KLHL1: variants seen among roughly 807,000 people sequenced by gnomAD.
The protein encoded by KLHL1 is kelch like family member 1, also known as kelch-like protein 1.
In KLHL1, 47 loss-of-function variants were observed where a neutral mutation model predicts 77.7. The observed-to-expected ratio is 0.60, with a 90% confidence interval of 0.48 to 0.77. The LOEUF is 0.77. KLHL1 is among the 30% of genes least tolerant of loss of function. The pLI is 0.00. For synonymous variants in KLHL1, 360 were observed against 325.2 expected, an observed-to-expected ratio of 1.11 and a Z score of -1.15; for missense variants, 925 against 910.8, an observed-to-expected ratio of 1.02 and a Z score of -0.20.
At chr13:69,948,772 G>A (rs1421662804) in intron 3 of KLHL1, among the ~76,000 whole-genome samples, 1 of 152,016 alleles carries the variant, frequency 6.6e-6, no homozygotes, top group Non-Finnish European at 1.5e-5. Flanking sequence ...AATGCACAGA[G>A]TATCCATCTT....
intron 8 of KLHL1, among the ~76,000 whole-genome samples, chr13:69,728,166 T>G (rs1057100980): frequency 2.0e-5 from 3 of 152,002 alleles, no homozygotes; most frequent in Admixed American, 6.6e-5. Flanking sequence ...GAGTCTAAGA[T>G]TAATTAAAAT....
chr13:69,800,097 T>A (rs763573088), intron 6 of KLHL1, among the ~76,000 whole-genome samples: 72 of 152,292 alleles, frequency 4.7e-4, no homozygotes, highest in Non-Finnish European at 9.4e-4. Flanking sequence ...GCCCAAAAAG[T>A]TGGGGACTGC....
intron 8 of KLHL1, among the ~76,000 whole-genome samples, chr13:69,734,904 T>C (rs766846748): frequency 6.6e-6 from 1 of 152,074 alleles, no homozygotes; most frequent in Non-Finnish European, 1.5e-5. Context: ...AGCAGATAAA[T>C]TGTAGAAAGC....
Position 69,719,497 on chromosome 13 carries a change from C to T in KLHL1, c.1887G>A (p.Met629Ile), listed in dbSNP as rs1473150713. 7 of 1,613,294 alleles carry T rather than the reference C, an allele frequency of 4.3e-6. No individual in the cohort carries two copies. Among genetic ancestry groups the T allele is most frequent in the African/African-American group, 1.3e-5 (1 of 74,842 alleles). Residue 629 changes from methionine (M) to isoleucine (I), a missense_variant, in exon 9 of 11, where the codon ATG becomes ATA. Met to Ile is a conservative substitution (Grantham distance 10, BLOSUM62 1). Transcript: ENST00000377844. Reference sequence around the variant, plus strand: ...CTCTCCTCTTACACATGGGAGCACACATGTTCCACTTATTTGTATGAGGAT... The same window carrying T: ...CTCTCCTCTTACACATGGGAGCACATATGTTCCACTTATTTGTATGAGGAT... ...YYDPHTNKWN[M>I]CAPMCKRRGG... is the part of the protein sequence containing the mutation.
intron 1 of KLHL1, among the ~76,000 whole-genome samples, chr13:70,106,863 A>G (rs1163205123): frequency 6.6e-6 from 1 of 152,176 alleles, no homozygotes; most frequent in East Asian, 1.9e-4. Context: ...CAGATAATGG[A>G]ACGACTGATA....
chr13:69,994,412 A>G (rs1430691513), intron 1 of KLHL1, among the ~76,000 whole-genome samples: 2 of 152,110 alleles, frequency 1.3e-5, no homozygotes, highest in Non-Finnish European at 2.9e-5. Flanking sequence ...AATCTCTTCA[A>G]AACCCTCACC....
At chr13:69,798,096 TAAG>T (rs974821799) in intron 6 of KLHL1, among the ~76,000 whole-genome samples, 3 of 144,184 alleles carry the variant, frequency 2.1e-5, no homozygotes, top group Admixed American at 6.8e-5. Context: ...CAAATGTTTA[TAAG>T]ATAATATAAG....
chr13:69,815,528 A>C (rs1298883141), intron 6 of KLHL1, among the ~76,000 whole-genome samples: 4 of 152,200 alleles, frequency 2.6e-5, no homozygotes, highest in Admixed American at 6.5e-5. Flanking sequence ...AGAAAAATGG[A>C]AACAAGTAAC....
intron 6 of KLHL1, among the ~76,000 whole-genome samples, chr13:69,803,905 G>A (rs895696673): frequency 6.6e-6 from 1 of 152,152 alleles, no homozygotes; most frequent in Non-Finnish European, 1.5e-5. Context: ...TTCCAGATAA[G>A]AATATAGCCT....
intron 1 of KLHL1, among the ~76,000 whole-genome samples, chr13:70,074,017 G>T (rs1887202170): frequency 6.6e-6 from 1 of 151,842 alleles, no homozygotes; most frequent in African/African-American, 2.4e-5. Flanking sequence ...CTAGAGATGG[G>T]GTTTCTCCAT....
chr13:70,042,060 AAGCAGGCTTATCCT>A (rs1886390647), intron 1 of KLHL1, among the ~76,000 whole-genome samples: 1 of 152,146 alleles, frequency 6.6e-6, no homozygotes, highest in Admixed American at 6.5e-5. Flanking sequence ...GGTCTAGAAA[AAGCAGGCTTATCCT>A]AGGGCTTCTT....
At chr13:69,722,426 A>G (rs1873107505) in intron 8 of KLHL1, among the ~76,000 whole-genome samples, 2 of 151,978 alleles carry the variant, frequency 1.3e-5, no homozygotes, top group South Asian at 4.1e-4. Flanking sequence ...TGAAATCTGA[A>G]CAGACCTATA....
chr13:69,954,619 A>G (rs1883811224), intron 3 of KLHL1, among the ~76,000 whole-genome samples: 1 of 151,354 alleles, frequency 6.6e-6, no homozygotes, highest in Non-Finnish European at 1.5e-5. Flanking sequence ...CTAAATATTA[A>G]AAGTCACCTA....
chr13:69,767,541 A>C (rs1221463568), intron 7 of KLHL1, among the ~76,000 whole-genome samples: 2 of 152,246 alleles, frequency 1.3e-5, no homozygotes, highest in African/African-American at 2.4e-5. Flanking sequence ...TACAAAAATA[A>C]AACTTTTAAA....
chr13:69,765,089 T>C (rs78475060), intron 7 of KLHL1, among the ~76,000 whole-genome samples: 5,491 of 151,564 alleles, frequency 0.036, 126 homozygotes, highest in Middle Eastern at 0.068. Context: ...GTACCTGGGA[T>C]TGTAGGCATG....
chr13:69,710,508 A>G (rs1306617982), intron 9 of KLHL1, among the ~76,000 whole-genome samples: 1 of 152,044 alleles, frequency 6.6e-6, no homozygotes, highest in Non-Finnish European at 1.5e-5. Flanking sequence ...TGACATAGAC[A>G]CACTCAGATA....
At chr13:69,854,393 C>T (rs1429794792) in intron 5 of KLHL1, among the ~76,000 whole-genome samples, 1 of 151,864 alleles carries the variant, frequency 6.6e-6, no homozygotes, top group African/African-American at 2.4e-5. Context: ...CCAGCTCTCC[C>T]AGGAAAGCAT....
At chr13:70,054,177 A>G (rs1325121889) in intron 1 of KLHL1, among the ~76,000 whole-genome samples, 1 of 152,100 alleles carries the variant, frequency 6.6e-6, no homozygotes, top group African/African-American at 2.4e-5. Context: ...AGATTGTCTC[A>G]TTTTCATTTA....
intron 9 of KLHL1, among the ~76,000 whole-genome samples, chr13:69,717,617 T>C (rs1279350897): frequency 1.3e-5 from 2 of 152,250 alleles, no homozygotes; most frequent in East Asian, 3.9e-4. Flanking sequence ...GATGAGAATA[T>C]TTGGATGAAA....
Sources: gnomAD v4.1 joint callset for allele counts (sites outside exome capture counted in the v4.1 genomes callset) on GRCh38, gnomAD v4.1.1 for gene constraint, MANE v1.5 for transcripts, NCBI Gene and HGNC (gene_info 2026-07-23, HGNC 2026-07-21) for gene names.